The following ARHGAP44 variants were observed in gnomAD, a reference collection of about 807,000 sequenced individuals.
The protein encoded by ARHGAP44 is rho GTPase-activating protein 44.
A neutral mutation model predicts 106.8 loss-of-function variants in ARHGAP44; 43 were observed. That is an observed-to-expected ratio of 0.40 (90% CI 0.32 to 0.52). The LOEUF (loss-of-function observed/expected upper bound fraction) is 0.52. Among genes scored for constraint, ARHGAP44 ranks in the 20% least tolerant of loss-of-function variants. ARHGAP44 has a pLI of 0.48. For missense variants in ARHGAP44, 866 were observed against 1,050.5 expected, an observed-to-expected ratio of 0.82 and a Z score of 2.43; for synonymous variants, 439 against 410.3, an observed-to-expected ratio of 1.07 and a Z score of -0.85.
intron 20 of ARHGAP44, chr17:12,988,053 TC>T (rs1363278994): frequency 6.6e-6 from 1 of 152,196 alleles, no homozygotes; most frequent in Non-Finnish European, 1.5e-5. Context: ...CAGACAGGTC[TC>T]CTGGCGGGTG....
At chr17:12,835,760 A>G (rs1227482750) in intron 1 of ARHGAP44, among the ~76,000 whole-genome samples, 1 of 152,162 alleles carries the variant, frequency 6.6e-6, no homozygotes, top group East Asian at 1.9e-4. Context: ...TCATCTTGCA[A>G]CACTGGAACT....
intron 4 of ARHGAP44, among the ~76,000 whole-genome samples, chr17:12,909,352 C>T (rs2037653966): frequency 6.6e-6 from 1 of 152,024 alleles, no homozygotes; most frequent in South Asian, 2.1e-4. Context: ...AGAGCATCAG[C>T]AGACACAATC....
intron 5 of ARHGAP44, among the ~76,000 whole-genome samples, chr17:12,918,526 C>T (rs566623482): frequency 6.6e-6 from 1 of 152,274 alleles, no homozygotes; most frequent in Non-Finnish European, 1.5e-5. Context: ...ATAAAAAGAG[C>T]ATCTACATAC....
At chr17:12,943,027 T>G (rs1210376355) in intron 8 of ARHGAP44, among the ~76,000 whole-genome samples, 2 of 152,210 alleles carry the variant, frequency 1.3e-5, no homozygotes, top group Admixed American at 6.5e-5. Flanking sequence ...GACATTTAAG[T>G]CGTACATATC....
intron 1 of ARHGAP44, among the ~76,000 whole-genome samples, chr17:12,840,201 A>C (rs1303250948): frequency 6.6e-6 from 1 of 152,058 alleles, no homozygotes; most frequent in Non-Finnish European, 1.5e-5. Flanking sequence ...ATTATTATGT[A>C]TTGATCTGTT....
chr17:12,956,858 C>A lies in ARHGAP44; in HGVS notation c.1342+112C>A, dbSNP rs202059210. ...TGCCCACAGGCTTTTTTTTTTGATT[C>A]CCCTATAAACACACACACACACACA... On this transcript the variant is annotated intron_variant, in intron 15 of 20. Transcript: ENST00000379672. 4,514 of 743,120 alleles carry A rather than the reference C, an allele frequency of 6.1e-3. 139 individuals carry two copies. Among genetic ancestry groups the A allele is most frequent in the East Asian group, 0.056 (2,042 of 36,174 alleles). The allele number at this position is 743,120 out of a possible 1,614,324, so 46.0% of individuals were successfully genotyped here.
intron 16 of ARHGAP44, among the ~76,000 whole-genome samples, chr17:12,965,294 C>T (rs76197500): frequency 0.1 from 15,279 of 152,220 alleles, 892 homozygotes; most frequent in South Asian, 0.2. Context: ...CTTGCTCCAC[C>T]GTGGTCTGAT....
rs190907607 is a variant in ARHGAP44, at chr17:12,880,393, C to G, written c.54-14547C>G. ...TTAAAAATTTTGTATTTATAATTCT[C>G]TTGCTTTCTTTTCATTTTATTACAT... is the stretch of plus-strand genomic sequence containing the variant. On this transcript the variant is annotated intron_variant, in intron 1 of 20. Transcript: ENST00000379672. Among the ~76,000 whole-genome samples, 587 of 152,144 alleles carry G rather than the reference C, an allele frequency of 3.9e-3. 3 individuals carry two copies. Among genetic ancestry groups the G allele is most frequent in the African/African-American group, 0.013 (538 of 41,542 alleles).
intron 1 of ARHGAP44, among the ~76,000 whole-genome samples, chr17:12,866,115 G>A (rs74397813): frequency 0.04 from 6,088 of 152,180 alleles, 407 homozygotes; most frequent in African/African-American, 0.14. Flanking sequence ...TGGATCAGGG[G>A]AGAAGACTGA....
At chr17:12,956,060 C>CTCAG in intron 14 of ARHGAP44, 80 bp downstream of exon 14, 4 of 960,480 alleles carry the variant, frequency 4.2e-6, no homozygotes, top group Non-Finnish European at 6.5e-6. Flanking sequence ...ACAGCTGGGG[C>CTCAG]CTAGCTGAGC....
intron 16 of ARHGAP44, among the ~76,000 whole-genome samples, chr17:12,971,534 T>G (rs1373418071): frequency 1.3e-5 from 2 of 152,158 alleles, no homozygotes; most frequent in Non-Finnish European, 2.9e-5. Flanking sequence ...GTTAAGCTCT[T>G]TGTTCTTTTC....
intron 1 of ARHGAP44, among the ~76,000 whole-genome samples, chr17:12,835,307 A>C (rs183078828): frequency 6.6e-6 from 1 of 152,310 alleles, no homozygotes; most frequent in East Asian, 1.9e-4. Context: ...ACGTGTGCAC[A>C]GATGTGTGCA....
chr17:12,799,412 C>G (rs2034020378), intron 1 of ARHGAP44, among the ~76,000 whole-genome samples: 1 of 152,204 alleles, frequency 6.6e-6, no homozygotes, highest in African/African-American at 2.4e-5. Context: ...TATCCATCTT[C>G]CCCTCCACCT....
chr17:12,926,092 C>T lies in ARHGAP44; in HGVS notation c.465-2837C>T, dbSNP rs1051437546. On this transcript the variant is annotated intron_variant, in intron 6 of 20. Transcript: ENST00000379672. ...TTAAAATATCAAAATAGACCAGGCA[C>T]GGTGGCTCACGCCTATAATCCCAGC... 7.2e-5 allele frequency among the ~76,000 whole-genome samples: 11 copies of T among 152,184 alleles called. No individual in the cohort carries two copies. In the South Asian group the frequency reaches 1.7e-3, roughly 23 times the overall value.
intron 10 of ARHGAP44, 22 bp downstream of exon 10, chr17:12,944,218 C>G (rs200153338): frequency 1.9e-6 from 3 of 1,577,954 alleles, no homozygotes; most frequent in Non-Finnish European, 2.6e-6. Flanking sequence ...CACAGCCACA[C>G]GCCGCCCCGG....
At chr17:12,967,539 T>G (rs1205707400) in intron 16 of ARHGAP44, among the ~76,000 whole-genome samples, 1 of 152,150 alleles carries the variant, frequency 6.6e-6, no homozygotes, top group Non-Finnish European at 1.5e-5. Context: ...CATGGTTTCC[T>G]TGCTTGCCCC....
intron 1 of ARHGAP44, among the ~76,000 whole-genome samples, chr17:12,876,984 C>G (rs546991069): frequency 6.6e-6 from 1 of 151,026 alleles, no homozygotes; most frequent in South Asian, 2.1e-4. Flanking sequence ...TAGCTCGGGA[C>G]TATGCAAGTA....
rs930387639 is a variant in ARHGAP44 at position 12,920,237 on chromosome 17, A to G, written c.464+406A>G. Among the ~76,000 whole-genome samples the G allele has an allele frequency of 1.1e-4, 17 of 151,162 alleles. No homozygotes were observed. In the East Asian group the frequency reaches 1.4e-3, roughly 12 times the overall value. Reference sequence around the variant, plus strand: ...AAAAATACAAAAAAATTAGCCGGGCATGGTGGCGGGTGCCTGTAGTCCCAG... The same window carrying G: ...AAAAATACAAAAAAATTAGCCGGGCGTGGTGGCGGGTGCCTGTAGTCCCAG... On this transcript the variant is annotated intron_variant, in intron 6 of 20. Coordinates refer to ENST00000379672, the MANE Select transcript of ARHGAP44 (RefSeq NM_014859.6).
rs369413813 is a variant in ARHGAP44, at chr17:12,990,194, C to T, written c.*23C>T. 408 of 1,604,344 alleles carry T rather than the reference C, an allele frequency of 2.5e-4. No individual in the cohort carries two copies. Among genetic ancestry groups the T allele is most frequent in the Middle Eastern group, 1.7e-4 (1 of 5,796 alleles). ...TGACATGACACCGCCCATCCTGCCT[C>T]GCGTGTACATACATCACGGGCCCTA... On this transcript the variant is annotated 3_prime_UTR_variant, in exon 21 of 21. Transcript: ENST00000379672.
Sources: gnomAD v4.1 joint callset for allele counts (sites outside exome capture counted in the v4.1 genomes callset) on GRCh38, gnomAD v4.1.1 for gene constraint, MANE v1.5 for transcripts, NCBI Gene and HGNC (gene_info 2026-07-23, HGNC 2026-07-21) for gene names.